The following KCNIP1 variants were observed in gnomAD, a reference collection of about 807,000 sequenced individuals.
KCNIP1 encodes the protein A-type potassium channel modulatory protein KCNIP1.
Under a neutral mutation model 33.0 loss-of-function variants are expected in KCNIP1, and 18 were observed. That is an observed-to-expected ratio of 0.55 (90% CI 0.38 to 0.81). KCNIP1 has a LOEUF of 0.81. Among genes scored for constraint, KCNIP1 ranks in the 30% least tolerant of loss-of-function variants. The pLI is 0.00. For synonymous variants in KCNIP1, 93 were observed against 98.3 expected, an observed-to-expected ratio of 0.95 and a Z score of 0.32; for missense variants, 238 against 271.6, an observed-to-expected ratio of 0.88 and a Z score of 0.87.
chr5:170,419,834 C>A (rs567766751), intron 1 of KCNIP1, among the ~76,000 whole-genome samples: 1 of 152,254 alleles, frequency 6.6e-6, no homozygotes, highest in Non-Finnish European at 1.5e-5. Context: ...ATGTTTATGC[C>A]CCCTGACAGC....
intron 2 of KCNIP1, 133 bp downstream of exon 2, chr5:170,719,015 G>A (rs930166462): frequency 1.1e-4 from 122 of 1,151,862 alleles, no homozygotes; most frequent in Non-Finnish European, 1.4e-4. Flanking sequence ...CTATAAAGGG[G>A]GCATGAGAGG....
intron 1 of KCNIP1, among the ~76,000 whole-genome samples, chr5:170,516,182 G>A (rs1205108737): frequency 6.6e-6 from 1 of 152,098 alleles, no homozygotes; most frequent in African/African-American, 2.4e-5. Flanking sequence ...AAGCAAGTAG[G>A]GATCGAGACT....
intron 1 of KCNIP1, among the ~76,000 whole-genome samples, chr5:170,710,340 G>A (rs560395914): frequency 3.9e-5 from 6 of 152,146 alleles, no homozygotes; most frequent in African/African-American, 1.4e-4. Flanking sequence ...TTGACTTTTT[G>A]TATATATTCT....
At chr5:170,685,180 C>T in intron 1 of KCNIP1, among the ~76,000 whole-genome samples, 1 of 151,930 alleles carries the variant, frequency 6.6e-6, no homozygotes, top group Non-Finnish European at 1.5e-5. Context: ...AGCAAAAGGA[C>T]ATCAAATACT....
Position 170,439,878 on chromosome 5 carries a change from C to T in KCNIP1, c.88+85914C>T, listed in dbSNP as rs146657720. The stretch of plus-strand genomic sequence containing the variant: ...GGGGGATTAGATCCTGGAGGAGAGG[C>T]CCATCCCTTCCTTCATACAACCGGG... On this transcript the variant is annotated intron_variant, in intron 1 of 7. Transcript: ENST00000377360. Among the ~76,000 whole-genome samples the T allele has an allele frequency of 5.5e-3, 831 of 152,288 alleles. 6 individuals carry two copies. The highest frequency in any genetic ancestry group is 9.4e-3 in the Non-Finnish European group (637 of 68,006).
At chr5:170,375,581 G>T (rs1763968444) in intron 1 of KCNIP1, 1 of 97,182 alleles carries the variant, frequency 1.0e-5, no homozygotes, top group Non-Finnish European at 2.2e-5. Context: ...TTCACAGCTG[G>T]CTCTGCCCCT....
chr5:170,431,604 A>C (rs1281753511), intron 1 of KCNIP1, among the ~76,000 whole-genome samples: 1 of 152,210 alleles, frequency 6.6e-6, no homozygotes, highest in Non-Finnish European at 1.5e-5. Context: ...GGTGGCAAGA[A>C]GTAACAAGAT....
chr5:170,533,571 C>T (rs570870823), intron 1 of KCNIP1, among the ~76,000 whole-genome samples: 2 of 152,290 alleles, frequency 1.3e-5, no homozygotes, highest in South Asian at 2.1e-4. Context: ...GGGTCCAGCA[C>T]GTGGAACTAT....
intron 1 of KCNIP1, among the ~76,000 whole-genome samples, chr5:170,463,962 C>T (rs563893109): frequency 1.7e-4 from 26 of 152,218 alleles, no homozygotes; most frequent in African/African-American, 5.3e-4. Flanking sequence ...ACAAGATCAG[C>T]AAGGTTACAG....
At chr5:170,431,374 G>A (rs1755736935) in intron 1 of KCNIP1, among the ~76,000 whole-genome samples, 1 of 152,170 alleles carries the variant, frequency 6.6e-6, no homozygotes, top group South Asian at 2.1e-4. Context: ...GGCTGCTGGA[G>A]GGCACAGGAT....
intron 1 of KCNIP1, among the ~76,000 whole-genome samples, chr5:170,434,561 T>G (rs13159158): frequency 0.2 from 29,853 of 152,104 alleles, 2,972 homozygotes; most frequent in Non-Finnish European, 0.21. Context: ...GAAGCTGCTG[T>G]CTTTCCTGGT....
intron 1 of KCNIP1, among the ~76,000 whole-genome samples, chr5:170,685,051 C>T (rs1213754288): frequency 9.2e-5 from 14 of 152,056 alleles, no homozygotes; most frequent in Non-Finnish European, 2.9e-5. Context: ...CAGAACATAC[C>T]TCCTTCAAGG....
At chr5:170,397,495 T>G (rs936149481) in intron 1 of KCNIP1, among the ~76,000 whole-genome samples, 6 of 135,476 alleles carry the variant, frequency 4.4e-5, no homozygotes, top group Non-Finnish European at 8.1e-5. Context: ...ACATGGGGAC[T>G]CCCTGCAAAT....
chr5:170,421,435 A>G (rs1755488884), intron 1 of KCNIP1, among the ~76,000 whole-genome samples: 1 of 152,124 alleles, frequency 6.6e-6, no homozygotes, highest in African/African-American at 2.4e-5. Context: ...GCTATAACAA[A>G]ATATCATAAG....
At chr5:170,426,626 T>G (rs1394909963) in intron 1 of KCNIP1, among the ~76,000 whole-genome samples, 3 of 152,258 alleles carry the variant, frequency 2.0e-5, no homozygotes, top group Admixed American at 2.0e-4. Context: ...GAGGGCAGTC[T>G]GCACACAGAG....
At chr5:170,637,427 G>A (rs1198762083) in intron 1 of KCNIP1, among the ~76,000 whole-genome samples, 2 of 152,092 alleles carry the variant, frequency 1.3e-5, no homozygotes, top group Non-Finnish European at 2.9e-5. Flanking sequence ...ACACGCCTCT[G>A]CACAGAACCC....
In KCNIP1 at chr5:170,504,314, G is replaced by A. The variant is rs1206297681; in HGVS notation, c.-259G>A. ...CGGCCCTGGGCGAGGGAACCGCCGG[G>A]CCGGGTCCTCGCGCGGGGAAGCGGT... On this transcript the variant is annotated 5_prime_UTR_variant, in exon 1 of 8. Coordinates refer to ENST00000328939, the MANE Select transcript of KCNIP1 (RefSeq NM_014592.4). The surrounding 1 kb of genome is among the most constrained non-coding windows in gnomAD (Gnocchi z 6.0). 4 of 1,361,338 alleles carry A rather than the reference G, an allele frequency of 2.9e-6. No homozygotes were observed. The African/African-American group carries it at 4.5e-5, about 15-fold the overall frequency. The allele number at this position is 1,361,338 out of a possible 1,614,324, so 84.3% of individuals were successfully genotyped here. A position where few individuals can be genotyped will look rare whatever the true frequency, so the allele number is the denominator to read the frequency against.
chr5:170,401,710 C>T (rs773380491), intron 1 of KCNIP1, among the ~76,000 whole-genome samples: 1 of 151,296 alleles, frequency 6.6e-6, no homozygotes, highest in African/African-American at 2.4e-5. Context: ...TGCAGTAAGC[C>T]GTGATTTCGC....
intron 1 of KCNIP1, among the ~76,000 whole-genome samples, chr5:170,354,479 T>C (rs987275436): frequency 5.3e-5 from 8 of 152,214 alleles, no homozygotes; most frequent in Non-Finnish European, 1.0e-4. Flanking sequence ...CCTCCTCTCA[T>C]AGGGTTCCAG....
Sources: allele counts gnomAD v4.1 joint callset (sites outside exome capture counted in the v4.1 genomes callset), GRCh38; gene constraint gnomAD v4.1.1; non-coding constraint Gnocchi (gnomAD v3.1); transcripts MANE v1.5; gene names NCBI Gene and HGNC (gene_info 2026-07-23, HGNC 2026-07-21).